The following SLCO3A1 variants were observed in gnomAD, a reference collection of about 807,000 sequenced individuals.
The protein encoded by SLCO3A1 is solute carrier organic anion transporter family member 3A1, also known as PGE1 transporter.
Under a neutral mutation model 63.1 loss-of-function variants are expected in SLCO3A1, and 27 were observed. That is an observed-to-expected ratio of 0.43 (90% CI 0.32 to 0.59). The LOEUF (loss-of-function observed/expected upper bound fraction) is 0.59. Among genes scored for constraint, SLCO3A1 ranks in the 20% least tolerant of loss-of-function variants. The pLI, the probability that SLCO3A1 is intolerant of heterozygous loss-of-function variation, is 0.09. For synonymous variants in SLCO3A1, 473 were observed against 409.9 expected (o/e 1.15, Z -1.86); for missense variants, 773 against 945.8 (o/e 0.82, Z 2.40).
At position 91,993,931 on chromosome 15, in the gene SLCO3A1, C is replaced by A. The variant is rs975916484; in HGVS notation, c.646+77473C>A. Among the ~76,000 whole-genome samples, 4 of 152,298 alleles carry A rather than the reference C, an allele frequency of 2.6e-5. No individual in the cohort carries two copies. In the South Asian group the frequency reaches 8.3e-4, roughly 32 times the overall value. On this transcript the variant is annotated intron_variant, in intron 2 of 9. Transcript: ENST00000318445. ...GAGAGCTGAGCCTTCCTGCCAACAA[C>A]CAGCCCCAACTTTCCAGCCATGAAA... is the stretch of plus-strand genomic sequence containing the variant.
chr15:91,877,385 G>A (rs1316112000), intron 1 of SLCO3A1, among the ~76,000 whole-genome samples: 9 of 152,130 alleles, frequency 5.9e-5, no homozygotes, highest in Non-Finnish European at 1.5e-5. Flanking sequence ...CCTATTTATT[G>A]AGCTTCTGTG....
At chr15:92,149,604 G>A (rs967904115) in intron 8 of SLCO3A1, 8 of 152,206 alleles carry the variant, frequency 5.3e-5, no homozygotes, top group African/African-American at 1.4e-4. Context: ...AGTACCTTTA[G>A]AACTAAGACT....
intron 2 of SLCO3A1, among the ~76,000 whole-genome samples, chr15:92,027,691 C>G (rs12101393): frequency 0.2 from 31,052 of 152,210 alleles, 3,407 homozygotes; most frequent in African/African-American, 0.24. Flanking sequence ...TTGTGCCGTT[C>G]AACATTTTTA....
intron 1 of SLCO3A1, among the ~76,000 whole-genome samples, chr15:91,899,874 T>C (rs1366560936): frequency 1.3e-5 from 2 of 152,216 alleles, no homozygotes; most frequent in Non-Finnish European, 2.9e-5. Context: ...TGTTTCACAT[T>C]TGGCTTCTTT....
chr15:92,120,520 C>T lies in SLCO3A1; in HGVS notation c.1065C>T (p.Ile355=), dbSNP rs2047850808. The T allele has an allele frequency of 1.9e-6, 3 of 1,614,066 alleles. No homozygotes were observed. The highest frequency in any genetic ancestry group is 2.5e-6 in the Non-Finnish European group (3 of 1,180,034). The stretch of plus-strand genomic sequence containing the variant: ...CAAACCCTGTGTTCACCTGCATCAT[C>T]CTGGCCGCCTGCATGGAGATTGCAG... ...LLSNPVFTCI[I]LAACMEIAVV... is the part of the protein sequence containing the mutation. The change falls in exon 5 of 10, where the codon ATC becomes ATT. Residue 355 remains isoleucine (I), a synonymous_variant. Coordinates refer to ENST00000318445, the MANE Select transcript of SLCO3A1 (RefSeq NM_013272.4).
intron 9 of SLCO3A1, chr15:92,151,262 A>G (rs944637737): frequency 3.9e-5 from 15 of 385,862 alleles, no homozygotes; most frequent in African/African-American, 3.1e-4. Flanking sequence ...CATCGGCATA[A>G]GGAGGAAAAG....
chr15:92,051,686 G>A (rs973527867), intron 2 of SLCO3A1, among the ~76,000 whole-genome samples: 8 of 152,220 alleles, frequency 5.3e-5, no homozygotes, highest in Middle Eastern at 3.4e-3. Context: ...CTACGTGACC[G>A]TCTTGTGTGT....
rs111855299 is a variant in SLCO3A1 at position 92,047,486 on chromosome 15, T to C, written c.647-47395T>C. The stretch of plus-strand genomic sequence containing the variant: ...TATAATATATAAATATATATAAATA[T>C]ATATATAAATATATATAAATATATA... On this transcript the variant is annotated intron_variant, in intron 2 of 9. Transcript: ENST00000318445. Among the ~76,000 whole-genome samples the C allele has an allele frequency of 1.1e-4, 2 of 18,994 alleles. 1 individual carries two copies. Among genetic ancestry groups the C allele is most frequent in the Non-Finnish European group, 1.8e-4 (2 of 11,282 alleles). The allele number at this position is 18,994 out of a possible 152,430, so 12.5% of individuals were successfully genotyped here.
intron 2 of SLCO3A1, among the ~76,000 whole-genome samples, chr15:92,067,900 A>G (rs908094914): frequency 1.3e-5 from 2 of 152,146 alleles, no homozygotes; most frequent in Non-Finnish European, 2.9e-5. Flanking sequence ...CAGCTTCTTG[A>G]TTCATAGACG....
Position 91,862,896 on chromosome 15 carries a change from C to T in SLCO3A1, c.180+8808C>T, listed in dbSNP as rs911701363. On this transcript the variant is annotated intron_variant, in intron 1 of 9. Coordinates refer to ENST00000318445, the MANE Select transcript of SLCO3A1 (RefSeq NM_013272.4). This position sits in a 1 kb window ranked among gnomAD's most constrained non-coding sequence, Gnocchi z 4.0. ...TGGCTATTGTCTTTCACCCCCTTTG[C>T]AAGAGGCTTATGTAAAATAGGCAGG... is the stretch of plus-strand genomic sequence containing the variant. Among the ~76,000 whole-genome samples, 1 of 152,154 alleles carries T rather than the reference C, an allele frequency of 6.6e-6. No individual in the cohort carries two copies. Among genetic ancestry groups the T allele is most frequent in the African/African-American group, 2.4e-5 (1 of 41,426 alleles).
At chr15:91,922,022 A>C (rs1266534627) in intron 2 of SLCO3A1, among the ~76,000 whole-genome samples, 1 of 152,162 alleles carries the variant, frequency 6.6e-6, no homozygotes, top group Non-Finnish European at 1.5e-5. Flanking sequence ...GGCATGAGCC[A>C]CTGCGCCCGG....
intron 2 of SLCO3A1, among the ~76,000 whole-genome samples, chr15:91,959,840 C>G (rs949545438): frequency 1.3e-5 from 2 of 152,072 alleles, no homozygotes; most frequent in Non-Finnish European, 2.9e-5. Flanking sequence ...TTTCATCACC[C>G]CTAAAATGGA....
intron 2 of SLCO3A1, among the ~76,000 whole-genome samples, chr15:91,990,624 G>A (rs1006832228): frequency 3.3e-5 from 5 of 149,830 alleles, no homozygotes; most frequent in African/African-American, 7.4e-5. Context: ...CCCCTGGGAC[G>A]TTTCCACTTA....
At chr15:91,987,782 C>T (rs564329144) in intron 2 of SLCO3A1, among the ~76,000 whole-genome samples, 1 of 151,538 alleles carries the variant, frequency 6.6e-6, no homozygotes, top group South Asian at 2.1e-4. Context: ...ATTGTGGTCG[C>T]AGCTCAAATG....
At position 91,938,167 on chromosome 15, in the gene SLCO3A1, G is replaced by A. The variant is rs550048243; in HGVS notation, c.646+21709G>A. 3.3e-5 allele frequency among the ~76,000 whole-genome samples: 5 copies of A among 152,330 alleles called. No homozygotes were observed. In the East Asian group the frequency reaches 9.6e-4, roughly 29 times the overall value. ...CCAGTGACCCTGCACAAGCCACTTGGAGCTTTCTGAGCCTCAGTGTGCTCA... is the reference window on the plus strand; with the variant it reads ...CCAGTGACCCTGCACAAGCCACTTGAAGCTTTCTGAGCCTCAGTGTGCTCA... On this transcript the variant is annotated intron_variant, in intron 2 of 9. Coordinates refer to ENST00000318445, the MANE Select transcript of SLCO3A1 (RefSeq NM_013272.4).
chr15:91,900,007 T>A lies in SLCO3A1; in HGVS notation c.181-15986T>A, dbSNP rs1295120681. Reference sequence around the variant, plus strand: ...TTAGTAGATACTGTATTTATCAGATTGTGTTGGTGTTATATTTTTGGTTAT... The same window carrying A: ...TTAGTAGATACTGTATTTATCAGATAGTGTTGGTGTTATATTTTTGGTTAT... On this transcript the variant is annotated intron_variant, in intron 1 of 9. Coordinates refer to ENST00000318445, the MANE Select transcript of SLCO3A1 (RefSeq NM_013272.4). This position sits in a 1 kb window ranked among gnomAD's most constrained non-coding sequence, Gnocchi z 4.3. Among the ~76,000 whole-genome samples, 1 of 152,240 alleles carries A rather than the reference T, an allele frequency of 6.6e-6. No individual in the cohort carries two copies. Among genetic ancestry groups the A allele is most frequent in the African/African-American group, 2.4e-5 (1 of 41,460 alleles).
At chr15:92,022,284 G>A (rs1189609401) in intron 2 of SLCO3A1, among the ~76,000 whole-genome samples, 2 of 152,136 alleles carry the variant, frequency 1.3e-5, no homozygotes, top group Non-Finnish European at 1.5e-5. Flanking sequence ...ATGTGGATTC[G>A]ACTGATTGTA....
At chr15:92,143,626 C>T (rs751721549) in intron 7 of SLCO3A1, among the ~76,000 whole-genome samples, 8 of 141,350 alleles carry the variant, frequency 5.7e-5, no homozygotes, top group Non-Finnish European at 9.0e-5. Flanking sequence ...GGTATGTGAG[C>T]GGGGGATTCA....
At position 91,898,884 on chromosome 15, in the gene SLCO3A1, T is replaced by A. The variant is rs1055218466; in HGVS notation, c.181-17109T>A. Reference sequence around the variant, plus strand: ...CTTGGAGGTGATAATGAAGAGAGGTTAAAAAACTGCTGCGAATTTTATTCT... The same window carrying A: ...CTTGGAGGTGATAATGAAGAGAGGTAAAAAAACTGCTGCGAATTTTATTCT... On this transcript the variant is annotated intron_variant, in intron 1 of 9. Transcript: ENST00000318445. 2.0e-5 allele frequency among the ~76,000 whole-genome samples: 3 copies of A among 152,204 alleles called. No homozygotes were observed. The East Asian group carries it at 5.8e-4, about 29-fold the overall frequency.
Sources: allele counts gnomAD v4.1 joint callset (sites outside exome capture counted in the v4.1 genomes callset), GRCh38; gene constraint gnomAD v4.1.1; non-coding constraint Gnocchi (gnomAD v3.1); transcripts MANE v1.5; gene names NCBI Gene and HGNC (gene_info 2026-07-23, HGNC 2026-07-21).